The following APOBEC2 variants were observed in gnomAD, a reference collection of about 807,000 sequenced individuals.
The protein encoded by APOBEC2 is C->U-editing enzyme APOBEC-2.
A neutral mutation model predicts 19.4 loss-of-function variants in APOBEC2; 14 were observed. That is an observed-to-expected ratio of 0.72 (90% confidence interval 0.48 to 1.13). The LOEUF (loss-of-function observed/expected upper bound fraction) is 1.13, where lower values mean the gene tolerates loss of function less well. APOBEC2 is among the 50% of genes most tolerant of loss of function. The probability of loss-of-function intolerance (pLI) is 0.00; values close to 1 mark genes in which losing one functional copy is unlikely to be tolerated. For missense variants in APOBEC2, 304 were observed against 277.0 expected (o/e 1.10, Z -0.69); for synonymous variants, 127 against 112.1 (o/e 1.13, Z -0.84).
At position 41,061,400 on chromosome 6, in the gene APOBEC2, C is replaced by A; in HGVS notation, c.204C>A (p.Thr68=). 2 of 1,598,472 alleles carry A rather than the reference C, an allele frequency of 1.3e-6. No individual in the cohort carries two copies. The highest frequency in any genetic ancestry group is 1.7e-6 in the Non-Finnish European group (2 of 1,173,016). The change falls in exon 2 of 3, where the codon ACC becomes ACA. Residue 68 remains threonine, a synonymous_variant. Transcript: ENST00000244669. ...AGTACAGTTCCGGGAGGAACAAGAC[C>A]TTCCTCTGCTATGTGGTTGAAGCAC... The part of the protein sequence containing the change: ...NVEYSSGRNK[T]FLCYVVEAQG...
intron 1 of APOBEC2, among the ~76,000 whole-genome samples, chr6:41,057,379 G>C (rs9357345): frequency 0.39 from 59,116 of 152,000 alleles, 12,158 homozygotes; most frequent in African/African-American, 0.51. Flanking sequence ...GTTGGGGGCA[G>C]GTCAAAGCTC....
Position 41,061,709 on chromosome 6 carries a change from G to C in APOBEC2, c.513G>C (p.Glu171Asp). The C allele has an allele frequency of 6.2e-7, 1 of 1,614,242 alleles. No individual in the cohort carries two copies. The highest frequency in any genetic ancestry group is 8.5e-7 in the Non-Finnish European group (1 of 1,180,048). The change falls in exon 2 of 3, where the codon GAG (glutamate) becomes GAC (aspartate). Residue 171 changes from glutamate to aspartate, a missense_variant. Transcript: ENST00000244669. ...AGGCTGCTCTGAAGAAGCTGAAGGA[G>C]GCTGGCTGTAAACTGCGCATCATGA... The part of the protein sequence containing the change: ...EIQAALKKLK[E>D]AGCKLRIMKP...
intron 1 of APOBEC2, among the ~76,000 whole-genome samples, chr6:41,055,553 G>C (rs1762785214): frequency 6.6e-6 from 1 of 152,178 alleles, no homozygotes; most frequent in Non-Finnish European, 1.5e-5. Flanking sequence ...CAGCAAAGCA[G>C]CTTTTCTAGC....
chr6:41,056,672 A>G (rs964821616), intron 1 of APOBEC2, among the ~76,000 whole-genome samples: 15 of 152,244 alleles, frequency 9.9e-5, no homozygotes, highest in Non-Finnish European at 1.8e-4. Flanking sequence ...TTTAACCTCT[A>G]TGAGGACAGC....
Position 41,061,676 on chromosome 6 carries a change from G to A in APOBEC2, c.480G>A (p.Pro160=), listed in dbSNP as rs140342245. ...GTCGACTCTTCATGTGGGAGGAGCC[G>A]GAGATCCAGGCTGCTCTGAAGAAGC... is the stretch of plus-strand genomic sequence containing the variant. ...LVGRLFMWEE[P]EIQAALKKLK... The change falls in exon 2 of 3, where the codon CCG becomes CCA. Residue 160 remains proline (P), a synonymous_variant. Coordinates refer to ENST00000244669, the MANE Select transcript of APOBEC2 (RefSeq NM_006789.4). The A allele has an allele frequency of 1.9e-5, 30 of 1,614,210 alleles. No homozygotes were observed. The East Asian group carries it at 2.7e-4, about 14-fold the overall frequency.
At position 41,061,343 on chromosome 6, in the gene APOBEC2, C is replaced by CA. The variant is rs868715222; in HGVS notation, c.149dup (p.Asn50LysfsTer4). On this transcript the variant is annotated frameshift_variant, in exon 2 of 3. Transcript: ENST00000244669. LOFTEE classifies it high-confidence loss of function. ...TGACCTACAGAGAACGGCTGCCTGCCAACTTCTTTAAATTCCAGTTCCGGA... is the reference window on the plus strand; with the variant it reads ...TGACCTACAGAGAACGGCTGCCTGCCAAACTTCTTTAAATTCCAGTTCCGGA... 2 of 1,528,524 alleles carry CA rather than the reference C, an allele frequency of 1.3e-6. No homozygotes were observed. Among genetic ancestry groups the CA allele is most frequent in the Non-Finnish European group, 1.8e-6 (2 of 1,139,228 alleles). The allele number at this position is 1,528,524 out of a possible 1,614,324, so 94.7% of individuals were successfully genotyped here.
At chr6:41,054,598 C>T (rs1309989877) in intron 1 of APOBEC2, among the ~76,000 whole-genome samples, 1 of 152,166 alleles carries the variant, frequency 6.6e-6, no homozygotes, top group Non-Finnish European at 1.5e-5. Flanking sequence ...TTCAAGAGAA[C>T]CTAAGGGAAA....
chr6:41,056,261 AC>A (rs1344384465), intron 1 of APOBEC2, among the ~76,000 whole-genome samples: 1 of 152,172 alleles, frequency 6.6e-6, no homozygotes, highest in African/African-American at 2.4e-5. Context: ...AGCTAAGACT[AC>A]AGGTGCATGC....
At chr6:41,053,691 G>C (rs1762759788) in intron 1 of APOBEC2, among the ~76,000 whole-genome samples, 1 of 152,140 alleles carries the variant, frequency 6.6e-6, no homozygotes, top group African/African-American at 2.4e-5. Flanking sequence ...TCTAATCAGG[G>C]AGAGGTAGGA....
chr6:41,058,446 C>T (rs992823900), intron 1 of APOBEC2, among the ~76,000 whole-genome samples: 2 of 152,048 alleles, frequency 1.3e-5, no homozygotes, highest in African/African-American at 2.4e-5. Context: ...CACACACCCC[C>T]ACCCCTTTAC....
chr6:41,054,874 T>G (rs1762775143), intron 1 of APOBEC2, among the ~76,000 whole-genome samples: 1 of 152,250 alleles, frequency 6.6e-6, no homozygotes, highest in Non-Finnish European at 1.5e-5. Flanking sequence ...TACACTCTTG[T>G]GTGGCTTTCC....
chr6:41,060,098 T>A (rs1157174776), intron 1 of APOBEC2, among the ~76,000 whole-genome samples: 1 of 152,046 alleles, frequency 6.6e-6, no homozygotes, highest in Non-Finnish European at 1.5e-5. Context: ...GTAAAAACAA[T>A]CTTCAACTCT....
intron 1 of APOBEC2, among the ~76,000 whole-genome samples, chr6:41,058,580 C>T (rs1762832130): frequency 6.6e-6 from 1 of 152,168 alleles, no homozygotes; most frequent in Non-Finnish European, 1.5e-5. Context: ...TATTTCCTTC[C>T]TTCCACTAGT....
chr6:41,057,402 C>G (rs1172196620), intron 1 of APOBEC2, among the ~76,000 whole-genome samples: 1 of 152,126 alleles, frequency 6.6e-6, no homozygotes, highest in Non-Finnish European at 1.5e-5. Flanking sequence ...GTGTGAAGAC[C>G]ATGCCTACCA....
rs1457243923 is a variant in APOBEC2 at position 41,061,911 on chromosome 6, A to AT, written c.*21+20dup. 1 of 1,581,740 alleles carries AT rather than the reference A, an allele frequency of 6.3e-7. No individual in the cohort carries two copies. The highest frequency in any genetic ancestry group is 2.2e-5 in the East Asian group (1 of 44,688). On this transcript the variant is annotated intron_variant, in intron 2 of 2. Coordinates refer to ENST00000244669, the MANE Select transcript of APOBEC2 (RefSeq NM_006789.4). ...GCCTCACGTGAGTTTTCCTGGTGCC[A>AT]TGGCACCAACACTTTATTATGTTAA...
chr6:41,063,701 T>C (rs1356893441), intron 2 of APOBEC2, among the ~76,000 whole-genome samples: 1 of 149,912 alleles, frequency 6.7e-6, no homozygotes, highest in Admixed American at 6.6e-5. Flanking sequence ...GAGTGTAATC[T>C]AAAAGCCCAA....
rs142307646 is a variant in APOBEC2 at position 41,054,390 on chromosome 6, G to C, written c.131+912G>C. Among the ~76,000 whole-genome samples, 977 of 152,306 alleles carry C rather than the reference G, an allele frequency of 6.4e-3. 12 individuals are homozygous for C. The highest frequency in any genetic ancestry group is 0.022 in the African/African-American group (905 of 41,552). On this transcript the variant is annotated intron_variant, in intron 1 of 2. Coordinates refer to ENST00000244669, the MANE Select transcript of APOBEC2 (RefSeq NM_006789.4). The stretch of plus-strand genomic sequence containing the variant: ...GGGTCTCCAGGAATGACCACAGGCA[G>C]AGTGGGTGCGAGACTAAGAGAAGTT...
At chr6:41,063,223 G>A (rs1762901637) in intron 2 of APOBEC2, among the ~76,000 whole-genome samples, 1 of 152,154 alleles carries the variant, frequency 6.6e-6, no homozygotes, top group South Asian at 2.1e-4. Context: ...TTAAAAAGCA[G>A]GACCCAGTCA....
intron 1 of APOBEC2, among the ~76,000 whole-genome samples, chr6:41,060,228 C>T (rs1261324453): frequency 6.6e-6 from 1 of 152,152 alleles, no homozygotes; most frequent in Non-Finnish European, 1.5e-5. Flanking sequence ...CAAAGGCACC[C>T]ACACAATTCA....
Sources: gnomAD v4.1 joint callset for allele counts (sites outside exome capture counted in the v4.1 genomes callset) on GRCh38, gnomAD v4.1.1 for gene constraint, MANE v1.5 for transcripts, NCBI Gene and HGNC (gene_info 2026-07-23, HGNC 2026-07-21) for gene names.